The following CD247 variants were observed in gnomAD, a reference collection of about 807,000 sequenced individuals.
CD247 encodes T-cell surface glycoprotein CD3 zeta chain.
CD247 carries 13 observed loss-of-function variants against 30.0 expected under a neutral mutation model. The ratio of observed to expected loss-of-function variants is 0.43; its 90% CI spans 0.28 to 0.69. The LOEUF is 0.69. Ranked by LOEUF, CD247 falls within the 30% of genes least tolerant of loss-of-function variation. CD247 has a pLI of 0.16. For missense variants in CD247, 193 were observed against 212.6 expected, an observed-to-expected ratio of 0.91 and a Z score of 0.57; for synonymous variants, 72 against 80.0, an observed-to-expected ratio of 0.90 and a Z score of 0.53.
At chr1:167,474,757 T>A (rs75733807) in intron 1 of CD247, among the ~76,000 whole-genome samples, 1 of 149,412 alleles carries the variant, frequency 6.7e-6, no homozygotes, top group Non-Finnish European at 1.5e-5. Context: ...ACTGTCTTTT[T>A]TTTTTTTTTT....
intron 1 of CD247, among the ~76,000 whole-genome samples, chr1:167,474,229 G>T (rs1197370613): frequency 6.6e-6 from 1 of 152,068 alleles, no homozygotes; most frequent in African/African-American, 2.4e-5. Context: ...TGGGAAGGGG[G>T]AGCCAGCCTC....
chr1:167,460,408 A>C (rs2102029056), intron 1 of CD247, among the ~76,000 whole-genome samples: 1 of 152,196 alleles, frequency 6.6e-6, no homozygotes, highest in Non-Finnish European at 1.5e-5. Flanking sequence ...GTCTCAAAAA[A>C]TAAAAATAAA....
chr1:167,442,316 C>T (rs1040044573), intron 1 of CD247, among the ~76,000 whole-genome samples: 10 of 152,222 alleles, frequency 6.6e-5, no homozygotes, highest in African/African-American at 2.2e-4. Context: ...GTGTCTGTCT[C>T]CCAAGGCCTG....
chr1:167,460,221 G>A (rs778438361), intron 1 of CD247, among the ~76,000 whole-genome samples: 2 of 151,968 alleles, frequency 1.3e-5, no homozygotes, highest in Non-Finnish European at 2.9e-5. Context: ...GGGCAACATG[G>A]CGAAATCCCG....
At chr1:167,514,794 G>A (rs1571607982) in intron 1 of CD247, among the ~76,000 whole-genome samples, 1 of 152,150 alleles carries the variant, frequency 6.6e-6, no homozygotes. Context: ...AGGCTTGGGA[G>A]AAACGATTCC....
At chr1:167,464,192 T>C (rs1165483563) in intron 1 of CD247, among the ~76,000 whole-genome samples, 1 of 152,128 alleles carries the variant, frequency 6.6e-6, no homozygotes, top group African/African-American at 2.4e-5. Context: ...TAAAGCCTAA[T>C]TTATAAATGG....
At chr1:167,510,072 C>T (rs1655323656) in intron 1 of CD247, among the ~76,000 whole-genome samples, 1 of 152,188 alleles carries the variant, frequency 6.6e-6, no homozygotes, top group Non-Finnish European at 1.5e-5. Flanking sequence ...ACTTTCTGCT[C>T]ACCTACTCAG....
chr1:167,457,173 C>G (rs894588099), intron 1 of CD247, among the ~76,000 whole-genome samples: 2 of 152,142 alleles, frequency 1.3e-5, no homozygotes, highest in Non-Finnish European at 2.9e-5. Context: ...AGGCTGCATC[C>G]GCACATTCTC....
At chr1:167,486,632 C>T (rs1169477783) in intron 1 of CD247, among the ~76,000 whole-genome samples, 2 of 152,246 alleles carry the variant, frequency 1.3e-5, no homozygotes, top group African/African-American at 2.4e-5. Context: ...AGGCCAGTTT[C>T]TGCTACCACA....
At position 167,434,094 on chromosome 1, in the gene CD247, G is replaced by T. The variant is rs769223722; in HGVS notation, c.337-18C>A. 1.9e-6 allele frequency: 3 copies of T among 1,612,066 alleles called. No individual in the cohort carries two copies. The South Asian group carries it at 3.3e-5, about 18-fold the overall frequency. The stretch of plus-strand genomic sequence containing the variant: ...TGCAGTTCCTGCAGAAGAGGGCGTG[G>T]AACACTGATTTTTACCAACTAATGC... On this transcript the variant is annotated intron_variant, in intron 5 of 7. Coordinates refer to ENST00000362089, the MANE Select transcript of CD247 (RefSeq NM_198053.3).
chr1:167,488,916 T>A (rs1457237660), intron 1 of CD247, among the ~76,000 whole-genome samples: 1 of 152,160 alleles, frequency 6.6e-6, no homozygotes, highest in Non-Finnish European at 1.5e-5. Flanking sequence ...AGGGAGGGCC[T>A]GCCAGGAGGG....
chr1:167,511,188 T>C (rs1462664786), intron 1 of CD247, among the ~76,000 whole-genome samples: 1 of 152,168 alleles, frequency 6.6e-6, no homozygotes, highest in African/African-American at 2.4e-5. Flanking sequence ...CAATTCAGAG[T>C]CTGTGCGTGA....
intron 1 of CD247, among the ~76,000 whole-genome samples, chr1:167,445,194 C>T (rs1318917457): frequency 6.6e-6 from 1 of 151,940 alleles, no homozygotes; most frequent in Non-Finnish European, 1.5e-5. Flanking sequence ...CCAAAGTGCT[C>T]GGATTACAGG....
chr1:167,443,769 G>A (rs1218848850), intron 1 of CD247, among the ~76,000 whole-genome samples: 3 of 151,888 alleles, frequency 2.0e-5, no homozygotes, highest in Non-Finnish European at 4.4e-5. Context: ...ATAGTTTTAT[G>A]ACTGATGACA....
chr1:167,459,157 T>A (rs1652872708), intron 1 of CD247, among the ~76,000 whole-genome samples: 1 of 149,458 alleles, frequency 6.7e-6, no homozygotes, highest in African/African-American at 2.5e-5. Flanking sequence ...AAAAAAAAAA[T>A]CATGGGGAGA....
chr1:167,458,689 C>CTTTCTTTTTT (rs1553231431), intron 1 of CD247: 54 of 95,384 alleles, frequency 5.7e-4, no homozygotes, highest in African/African-American at 2.2e-3. Flanking sequence ...TTCTTTCTTT[C>CTTTCTTTTTT]TTTTTTTTTT....
chr1:167,507,956 G>A (rs1222073198), intron 1 of CD247, among the ~76,000 whole-genome samples: 2 of 152,148 alleles, frequency 1.3e-5, no homozygotes, highest in Non-Finnish European at 2.9e-5. Flanking sequence ...GAAACCAAAC[G>A]AGGAATTAGG....
chr1:167,479,843 T>C (rs1256425933), intron 1 of CD247, among the ~76,000 whole-genome samples: 1 of 152,230 alleles, frequency 6.6e-6, no homozygotes, highest in Non-Finnish European at 1.5e-5. Flanking sequence ...CAAACGCCAG[T>C]TCTTTGCCTG....
intron 1 of CD247, among the ~76,000 whole-genome samples, chr1:167,473,620 T>C (rs1203489645): frequency 2.0e-5 from 3 of 152,180 alleles, no homozygotes; most frequent in Non-Finnish European, 4.4e-5. Context: ...TCCTAGGTCT[T>C]TTCTGCTCTG....
Sources: allele counts gnomAD v4.1 joint callset (sites outside exome capture counted in the v4.1 genomes callset), GRCh38; gene constraint gnomAD v4.1.1; transcripts MANE v1.5; gene names NCBI Gene and HGNC (gene_info 2026-07-23, HGNC 2026-07-21).